FHOD3: variants seen among roughly 807,000 people sequenced by gnomAD.
FHOD3 encodes the protein FH1/FH2 domain-containing protein 3.
Under a neutral mutation model 173.0 loss-of-function variants are expected in FHOD3, and 90 were observed. That is an observed-to-expected ratio of 0.52 (90% CI 0.44 to 0.62). FHOD3 has a LOEUF of 0.62. Ranked by LOEUF, FHOD3 falls within the 20% of genes least tolerant of loss-of-function variation. The pLI is 0.00. For missense variants in FHOD3, 1,945 were observed against 2,034.7 expected (o/e 0.96, Z 0.85); for synonymous variants, 828 against 823.0 (o/e 1.01, Z -0.10).
chr18:36,579,541 A>G (rs781443761), intron 6 of FHOD3, among the ~76,000 whole-genome samples: 2 of 152,196 alleles, frequency 1.3e-5, no homozygotes, highest in Non-Finnish European at 2.9e-5. Context: ...GTGATCCCCA[A>G]TGCAACAGTG....
chr18:36,763,879 A>C (rs1199745970), intron 27 of FHOD3, among the ~76,000 whole-genome samples: 3 of 152,188 alleles, frequency 2.0e-5, no homozygotes, highest in Admixed American at 6.5e-5. Flanking sequence ...TATTACATCA[A>C]AGAATTAAAG....
chr18:36,647,842 A>G (rs1750676568), intron 10 of FHOD3, among the ~76,000 whole-genome samples: 1 of 152,258 alleles, frequency 6.6e-6, no homozygotes, highest in South Asian at 2.1e-4. Flanking sequence ...TAGATGGAGA[A>G]TAAAACCAGG....
chr18:36,471,848 C>G (rs1239882032), intron 3 of FHOD3, among the ~76,000 whole-genome samples: 1 of 152,130 alleles, frequency 6.6e-6, no homozygotes, highest in Non-Finnish European at 1.5e-5. Context: ...TTGTTTCTAT[C>G]CCGGGGACGT....
chr18:36,724,114 G>T (rs1369180294), intron 19 of FHOD3, among the ~76,000 whole-genome samples: 1 of 152,154 alleles, frequency 6.6e-6, no homozygotes, highest in Non-Finnish European at 1.5e-5. Context: ...TTACTTGGAG[G>T]TTTAATTTGT....
chr18:36,527,922 C>A (rs1038661718), intron 5 of FHOD3, among the ~76,000 whole-genome samples: 1 of 152,208 alleles, frequency 6.6e-6, no homozygotes, highest in African/African-American at 2.4e-5. Flanking sequence ...CCTACCCTTT[C>A]CATGACTCAT....
At chr18:36,616,201 A>G (rs912129247) in intron 9 of FHOD3, among the ~76,000 whole-genome samples, 3 of 152,204 alleles carry the variant, frequency 2.0e-5, no homozygotes, top group East Asian at 1.9e-4. Flanking sequence ...TCCAGCACAG[A>G]TATTTCCTTC....
At chr18:36,777,489 G>A (rs1334986572) in intron 28 of FHOD3, among the ~76,000 whole-genome samples, 3 of 152,044 alleles carry the variant, frequency 2.0e-5, no homozygotes, top group East Asian at 1.9e-4. Context: ...CACTGTGCCC[G>A]GCCAGCATGG....
At chr18:36,718,956 A>G (rs1322899372) in intron 19 of FHOD3, among the ~76,000 whole-genome samples, 3 of 152,218 alleles carry the variant, frequency 2.0e-5, no homozygotes, top group African/African-American at 7.2e-5. Flanking sequence ...GGAGCTTTCA[A>G]AGAACCAGAT....
intron 1 of FHOD3, among the ~76,000 whole-genome samples, chr18:36,328,476 A>C (rs1297060280): frequency 6.6e-6 from 1 of 152,142 alleles, no homozygotes; most frequent in Non-Finnish European, 1.5e-5. Context: ...GGAGCTGTGC[A>C]AGCTGAGACC....
At chr18:36,445,640 G>A (rs2051423903) in intron 3 of FHOD3, among the ~76,000 whole-genome samples, 1 of 152,090 alleles carries the variant, frequency 6.6e-6, no homozygotes, top group Non-Finnish European at 1.5e-5. Flanking sequence ...TGACCATGAG[G>A]CAGTGTTTAA....
Position 36,718,086 on chromosome 18 carries a change from T to C in FHOD3, c.2788T>C (p.Cys930Arg), listed in dbSNP as rs1036438895. 1.9e-6 allele frequency: 3 copies of C among 1,599,272 alleles called. No individual in the cohort carries two copies. The Admixed American group carries it at 5.1e-5, about 27-fold the overall frequency. ...DESVRRVDVGCLDNRGSVKAF... is the reference protein window; with the variant it reads ...DESVRRVDVGRLDNRGSVKAF... Reference sequence around the variant, plus strand: ...GAGTGTCAGGAGGGTGGATGTCGGCTGTTTGGACAATCGGGGCAGTGTGAA... The same window carrying C: ...GAGTGTCAGGAGGGTGGATGTCGGCCGTTTGGACAATCGGGGCAGTGTGAA... Residue 930 changes from cysteine (C) to arginine (R), a missense_variant, in exon 19 of 29, where the codon TGT (cysteine) becomes CGT (arginine). Physicochemically the swap from Cys to Arg is radical, Grantham distance 180. This residue lies in a region of FHOD3 where 1,099 missense variants were observed against 1,051.2 expected (regional missense o/e 1.05). Coordinates refer to ENST00000590592, the MANE Select transcript of FHOD3 (RefSeq NM_001281740.3).
intron 3 of FHOD3, among the ~76,000 whole-genome samples, chr18:36,458,089 C>T (rs1295476373): frequency 5.3e-5 from 8 of 152,142 alleles, no homozygotes; most frequent in Admixed American, 2.0e-4. Flanking sequence ...TCTATTCCTT[C>T]TCTTCCCACC....
At chr18:36,299,561 A>G (rs2091902068) in intron 1 of FHOD3, among the ~76,000 whole-genome samples, 2 of 152,116 alleles carry the variant, frequency 1.3e-5, no homozygotes, top group African/African-American at 4.8e-5. Flanking sequence ...CCTTATATAC[A>G]TGGGTTGACC....
chr18:36,720,769 C>CTCCTCCTCT (rs1568670804), intron 19 of FHOD3, among the ~76,000 whole-genome samples: 37 of 146,648 alleles, frequency 2.5e-4, no homozygotes, highest in African/African-American at 9.5e-4. Context: ...GCTCCTTCTC[C>CTCCTCCTCT]TCCTCCTCCT....
chr18:36,705,521 C>T (rs1046620365), intron 17 of FHOD3, among the ~76,000 whole-genome samples: 11 of 152,206 alleles, frequency 7.2e-5, no homozygotes, highest in African/African-American at 2.7e-4. Context: ...TGTCTGCTGG[C>T]AGTTGAGAGG....
chr18:36,601,478 CCATT>C (rs1469025826), intron 7 of FHOD3, among the ~76,000 whole-genome samples: 1 of 152,116 alleles, frequency 6.6e-6, no homozygotes, highest in Non-Finnish European at 1.5e-5. Context: ...TCAGAGATCT[CCATT>C]CACTATTCAG....
chr18:36,577,838 G>C (rs150448185), intron 6 of FHOD3, among the ~76,000 whole-genome samples: 1 of 152,236 alleles, frequency 6.6e-6, no homozygotes, highest in Non-Finnish European at 1.5e-5. Context: ...TGCGCCGAAA[G>C]CTGGGCAAGC....
intron 19 of FHOD3, among the ~76,000 whole-genome samples, chr18:36,726,533 A>T (rs1000544144): frequency 2.0e-5 from 3 of 152,062 alleles, no homozygotes; most frequent in Non-Finnish European, 4.4e-5. Flanking sequence ...AACCTTCACA[A>T]GGACCACTCT....
At chr18:36,708,732 A>G (rs2040012768) in intron 17 of FHOD3, among the ~76,000 whole-genome samples, 1 of 152,316 alleles carries the variant, frequency 6.6e-6, no homozygotes. Context: ...TCTAGAGGCC[A>G]CCTGCATTCC....
Sources: gnomAD v4.1 joint callset for allele counts (sites outside exome capture counted in the v4.1 genomes callset) on GRCh38, gnomAD v4.1.1 for gene constraint, gnomAD v4.1.1 regional missense constraint, MANE v1.5 for transcripts, NCBI Gene and HGNC (gene_info 2026-07-23, HGNC 2026-07-21) for gene names.